Variants in ARHGAP20 observed in about 807,000 individuals in gnomAD.
ARHGAP20 encodes Rho GTPase activating protein 20, also known as rho GTPase-activating protein 20.
A neutral mutation model predicts 73.7 loss-of-function variants in ARHGAP20; 34 were observed. The ratio of observed to expected loss-of-function variants is 0.46; its 90% CI spans 0.35 to 0.61. The LOEUF is 0.61. ARHGAP20 is among the 20% of genes least tolerant of loss of function. ARHGAP20 has a pLI of 0.00. For synonymous variants in ARHGAP20, 523 were observed against 518.2 expected (o/e 1.01, Z -0.13); for missense variants, 1,314 against 1,420.9 (o/e 0.92, Z 1.21).
intron 2 of ARHGAP20, among the ~76,000 whole-genome samples, chr11:110,668,581 G>A (rs1021993549): frequency 2.0e-5 from 3 of 151,978 alleles, no homozygotes; most frequent in Admixed American, 1.3e-4. Context: ...TCCTAGAGGT[G>A]GAGGATGCAG....
At chr11:110,597,559 A>T (rs556502710) in intron 9 of ARHGAP20, among the ~76,000 whole-genome samples, 36 of 152,040 alleles carry the variant, frequency 2.4e-4, no homozygotes, top group Admixed American at 9.2e-4. Context: ...CGGCCTCCCA[A>T]AGTGCTGGGA....
chr11:110,649,952 T>C (rs1949312363), intron 2 of ARHGAP20, among the ~76,000 whole-genome samples: 2 of 152,104 alleles, frequency 1.3e-5, no homozygotes, highest in South Asian at 4.1e-4. Flanking sequence ...CTCCATAGCT[T>C]ATGTTTAAAT....
At chr11:110,701,084 T>C (rs1468930032) in intron 1 of ARHGAP20, among the ~76,000 whole-genome samples, 2 of 151,848 alleles carry the variant, frequency 1.3e-5, no homozygotes, top group South Asian at 2.1e-4. Context: ...GCATGATTTA[T>C]AGTCCTTTGG....
At chr11:110,634,012 T>C (rs1382860954) in intron 2 of ARHGAP20, among the ~76,000 whole-genome samples, 2 of 152,016 alleles carry the variant, frequency 1.3e-5, no homozygotes, top group African/African-American at 2.4e-5. Flanking sequence ...GTTGAAGAGA[T>C]GAAGGGAAGA....
intron 9 of ARHGAP20, among the ~76,000 whole-genome samples, chr11:110,593,583 GC>G (rs1947880395): frequency 6.6e-6 from 1 of 152,176 alleles, no homozygotes; most frequent in African/African-American, 2.4e-5. Flanking sequence ...CTGAGGGCAG[GC>G]CCCCGGGTAA....
At chr11:110,589,072 AAAAAAAC>A (rs993462390) in intron 11 of ARHGAP20, among the ~76,000 whole-genome samples, 40 of 152,296 alleles carry the variant, frequency 2.6e-4, no homozygotes, top group East Asian at 2.1e-3. Context: ...ACCCCGACTG[AAAAAAAC>A]AAAAAACAAA....
chr11:110,618,857 GTATGCAGTGATAGAGTA>G (rs1387876915), intron 4 of ARHGAP20, among the ~76,000 whole-genome samples: 1 of 4,176 alleles, frequency 2.4e-4, no homozygotes, highest in Non-Finnish European at 7.4e-4. Context: ...TATGTAGAGT[GTATGCAGTGATAGAGTA>G]TATGCAGTGA....
intron 11 of ARHGAP20, among the ~76,000 whole-genome samples, chr11:110,588,596 C>A (rs1947735693): frequency 6.6e-6 from 1 of 152,136 alleles, no homozygotes; most frequent in South Asian, 2.1e-4. Flanking sequence ...ACACATTTAA[C>A]CAGACTTTTC....
chr11:110,635,800 A>T (rs1033866002), intron 2 of ARHGAP20, among the ~76,000 whole-genome samples: 4 of 152,060 alleles, frequency 2.6e-5, no homozygotes, highest in African/African-American at 4.8e-5. Flanking sequence ...GAAAAAAAAA[A>T]ATCCTTTCTC....
intron 2 of ARHGAP20, among the ~76,000 whole-genome samples, chr11:110,656,029 C>T (rs78773902): frequency 0.028 from 4,212 of 152,240 alleles, 149 homozygotes; most frequent in African/African-American, 0.08. Flanking sequence ...CGTCCCTCCA[C>T]TAGAACGTAA....
intron 2 of ARHGAP20, among the ~76,000 whole-genome samples, chr11:110,678,108 C>A (rs1477194058): frequency 6.6e-6 from 1 of 152,070 alleles, no homozygotes; most frequent in East Asian, 1.9e-4. Flanking sequence ...AAGCTAGCCA[C>A]CAAGACCAAA....
At position 110,710,766 on chromosome 11, in the gene ARHGAP20, A is replaced by G. The variant is rs191196814; in HGVS notation, c.105+1361T>C. ...TCAAGGTCCTTGGGAACTCCCACAC[A>G]TTTCTATACTCGGCACACCGATCAC... On this transcript the variant is annotated intron_variant, in intron 1 of 14. Coordinates refer to ENST00000683387, the MANE Select transcript of ARHGAP20 (RefSeq NM_001384657.1). Among the ~76,000 whole-genome samples the G allele has an allele frequency of 1.1e-4, 17 of 152,252 alleles. No individual in the cohort carries two copies. In the East Asian group the frequency reaches 3.3e-3, roughly 29 times the overall value.
In ARHGAP20 at chr11:110,578,705, G is replaced by A; in HGVS notation, c.*665C>T. The A allele has an allele frequency of 5.1e-6, 5 of 985,316 alleles. No individual in the cohort carries two copies. Among genetic ancestry groups the A allele is most frequent in the East Asian group, 1.1e-4 (1 of 8,796 alleles). The allele number at this position is 985,316 out of a possible 1,614,324, so 61.0% of individuals were successfully genotyped here. On this transcript the variant is annotated 3_prime_UTR_variant, in exon 15 of 15. Coordinates refer to ENST00000683387, the MANE Select transcript of ARHGAP20 (RefSeq NM_001384657.1). ...TTCAACATGAATGAAAAAACAAACCGACAAATACAACCAACAAAACTGATA... is the reference window on the plus strand; with the variant it reads ...TTCAACATGAATGAAAAAACAAACCAACAAATACAACCAACAAAACTGATA...
intron 2 of ARHGAP20, among the ~76,000 whole-genome samples, chr11:110,642,050 T>C (rs949944946): frequency 3.9e-5 from 6 of 152,080 alleles, no homozygotes; most frequent in African/African-American, 1.4e-4. Context: ...AATTACATAA[T>C]GGTACACTTA....
chr11:110,642,162 T>G (rs1949091035), intron 2 of ARHGAP20, among the ~76,000 whole-genome samples: 1 of 152,162 alleles, frequency 6.6e-6, no homozygotes, highest in Non-Finnish European at 1.5e-5. Flanking sequence ...GAAACTTTAC[T>G]GAAATTGACC....
In ARHGAP20 at chr11:110,580,217, C is replaced by T. The variant is rs1947412441; in HGVS notation, c.2729G>A (p.Gly910Asp). ...GTTTTGGTTTGTGGCACTACTCTTG[C>T]CCACCTCAATCCCCATGACTAAACT... ...NQSLVMGIEVGKSSATNQNTE... is the reference protein window; with the variant it reads ...NQSLVMGIEVDKSSATNQNTE... The change falls in exon 15 of 15, where the codon GGC (glycine) becomes GAC (aspartate). Residue 910 changes from glycine (G) to aspartate (D), a missense_variant. Gly to Asp is a moderately conservative substitution (Grantham distance 94). This residue lies in a region of ARHGAP20 where 641 missense variants were observed against 636.9 expected (regional missense o/e 1.01). Coordinates refer to ENST00000683387, the MANE Select transcript of ARHGAP20 (RefSeq NM_001384657.1). 3 of 1,614,064 alleles carry T rather than the reference C, an allele frequency of 1.9e-6. No individual in the cohort carries two copies. In the African/African-American group the frequency reaches 4.0e-5, roughly 22 times the overall value.
chr11:110,610,639 GTTCTAATC>G (rs1948344564), intron 7 of ARHGAP20, among the ~76,000 whole-genome samples: 1 of 152,016 alleles, frequency 6.6e-6, no homozygotes, highest in Admixed American at 6.6e-5. Flanking sequence ...ATCCTCAAAT[GTTCTAATC>G]TTCTCCACTC....
intron 1 of ARHGAP20, among the ~76,000 whole-genome samples, chr11:110,703,646 A>C (rs1565486782): frequency 6.6e-6 from 1 of 152,122 alleles, no homozygotes; most frequent in Non-Finnish European, 1.5e-5. Flanking sequence ...GGATATTAGA[A>C]TTTCCCTTAT....
intron 2 of ARHGAP20, among the ~76,000 whole-genome samples, chr11:110,682,674 A>G (rs1436294002): frequency 6.6e-6 from 1 of 152,182 alleles, no homozygotes; most frequent in Non-Finnish European, 1.5e-5. Context: ...CAAGCTTGAC[A>G]TTAATAGATG....
Sources: allele counts gnomAD v4.1 joint callset (sites outside exome capture counted in the v4.1 genomes callset), GRCh38; gene constraint gnomAD v4.1.1; regional missense constraint gnomAD v4.1.1; transcripts MANE v1.5; gene names NCBI Gene and HGNC (gene_info 2026-07-23, HGNC 2026-07-21).